Variants in JAKMIP3 observed in about 807,000 individuals in gnomAD.
The protein encoded by JAKMIP3 is janus kinase and microtubule-interacting protein 3.
In JAKMIP3, 58 loss-of-function variants were observed where a neutral mutation model predicts 118.5. The ratio of observed to expected loss-of-function variants is 0.49; its 90% confidence interval spans 0.40 to 0.61. The LOEUF is 0.61. Ranked by LOEUF, JAKMIP3 falls within the 20% of genes least tolerant of loss-of-function variation. The pLI is 0.00. For synonymous variants in JAKMIP3, 486 were observed against 451.2 expected, an observed-to-expected ratio of 1.08 and a Z score of -0.98; for missense variants, 950 against 1,109.0, an observed-to-expected ratio of 0.86 and a Z score of 2.04.
At position 132,172,980 on chromosome 10, in the gene JAKMIP3, CCTCT is replaced by C. The variant is rs527507375; in HGVS notation, c.*1103+3959_*1103+3962del. On this transcript the variant is annotated intron_variant, in intron 23 of 23. Coordinates refer to ENST00000684848, the MANE Select transcript of JAKMIP3 (RefSeq NM_001323087.2). The stretch of plus-strand genomic sequence containing the variant: ...CTCTCTCCTTCCCTCTCTCTCCTTC[CCTCT>C]CTCTCTCTCTCCTTCCCTCTCTCTC... 1.7e-3 allele frequency among the ~76,000 whole-genome samples: 130 copies of C among 75,222 alleles called. 12 individuals are homozygous for C. The highest frequency in any genetic ancestry group is 5.8e-3 in the African/African-American group (118 of 20,242). 49.3% of individuals were successfully genotyped at this position (75,222 alleles called of 152,430 possible).
At chr10:132,061,244 GCACA>G (rs1554913470), upstream of JAKMIP3, among the ~76,000 whole-genome samples, 2 of 130,650 alleles carry the variant, frequency 1.5e-5, no homozygotes, top group Non-Finnish European at 3.6e-5. Context: ...CCGTGACGGC[GCACA>G]CACACACCTG....
intron 1 of JAKMIP3, among the ~76,000 whole-genome samples, chr10:132,037,396 C>T (rs551537133): frequency 2.0e-5 from 3 of 152,144 alleles, no homozygotes; most frequent in Middle Eastern, 3.4e-3. Flanking sequence ...AAGCTGTCTG[C>T]AAATGTAAGA....
chr10:132,176,129 C>G (rs1374856011), intron 23 of JAKMIP3, among the ~76,000 whole-genome samples: 1 of 152,214 alleles, frequency 6.6e-6, no homozygotes, highest in African/African-American at 2.4e-5. Context: ...AGGATCTGCC[C>G]CCCAGCACCT....
intron 23 of JAKMIP3, among the ~76,000 whole-genome samples, chr10:132,180,600 T>TGTGTGTG (rs2060839985): frequency 5.1e-5 from 2 of 39,102 alleles, no homozygotes; most frequent in African/African-American, 2.6e-4. Context: ...TGTGTGTGCG[T>TGTGTGTG]GCGCGTGTGT....
intron 23 of JAKMIP3, among the ~76,000 whole-genome samples, chr10:132,171,652 C>CT (rs34371364): frequency 0.17 from 22,960 of 135,586 alleles, 2,469 homozygotes; most frequent in Middle Eastern, 0.25. Flanking sequence ...TTTTTTCTTT[C>CT]TTTTTTTTTT....
At chr10:132,063,449 G>GTT (rs2038477643), upstream of JAKMIP3, among the ~76,000 whole-genome samples, 1 of 152,286 alleles carries the variant, frequency 6.6e-6, no homozygotes, top group African/African-American at 2.4e-5. Flanking sequence ...AGCAAGGATG[G>GTT]TTTTCTTATT....
At chr10:132,048,983 G>C (rs4880311) in intron 1 of JAKMIP3, among the ~76,000 whole-genome samples, 89,974 of 151,568 alleles carry the variant, frequency 0.59, 27,379 homozygotes, top group East Asian at 0.81. Flanking sequence ...GCTTTCTTTC[G>C]TGGAGCTTTT....
intron 1 of JAKMIP3, among the ~76,000 whole-genome samples, chr10:132,099,090 C>T (rs1016705455): frequency 6.6e-6 from 1 of 152,074 alleles, no homozygotes; most frequent in African/African-American, 2.4e-5. Flanking sequence ...GAAGGCTGCT[C>T]GGGTGTGGAC....
At position 132,119,122 on chromosome 10, in the gene JAKMIP3, A is replaced by G. The variant is rs977007248; in HGVS notation, c.633+1548A>G. 3.3e-5 allele frequency among the ~76,000 whole-genome samples: 5 copies of G among 152,022 alleles called. 1 individual carries two copies. Among genetic ancestry groups the G allele is most frequent in the Admixed American group, 2.6e-4 (4 of 15,282 alleles). ...GCTGATTCTTCTGGATTTTATTTCA[A>G]ATTTTCAAAAGCATGCTCCAACCTG... On this transcript the variant is annotated intron_variant, in intron 3 of 23. Coordinates refer to ENST00000684848, the MANE Select transcript of JAKMIP3 (RefSeq NM_001323087.2).
intron 3 of JAKMIP3, among the ~76,000 whole-genome samples, chr10:132,124,758 G>T (rs1374723808): frequency 6.6e-6 from 1 of 152,214 alleles, no homozygotes; most frequent in African/African-American, 2.4e-5. Context: ...GTGCGTTCAT[G>T]GGGCGACGAG....
chr10:132,095,920 G>T (rs911889460), intron 1 of JAKMIP3, among the ~76,000 whole-genome samples: 3 of 152,138 alleles, frequency 2.0e-5, no homozygotes, highest in Non-Finnish European at 4.4e-5. Flanking sequence ...CCAATGCCCT[G>T]AGTATTACAG....
intron 19 of JAKMIP3, among the ~76,000 whole-genome samples, chr10:132,159,640 T>TC (rs1564981689): frequency 2.7e-4 from 8 of 30,088 alleles, no homozygotes; most frequent in Admixed American, 9.4e-4. Context: ...TTTGTGATGC[T>TC]GGGGGGCCTC....
At chr10:132,089,026 G>A (rs1233005947) in intron 1 of JAKMIP3, among the ~76,000 whole-genome samples, 5 of 152,092 alleles carry the variant, frequency 3.3e-5, no homozygotes, top group African/African-American at 9.7e-5. Flanking sequence ...GTAGATGTGT[G>A]GTATTATTTC....
chr10:132,114,907 A>G (rs1163995336), intron 2 of JAKMIP3, among the ~76,000 whole-genome samples: 1 of 152,144 alleles, frequency 6.6e-6, no homozygotes, highest in Non-Finnish European at 1.5e-5. Flanking sequence ...TTTGCTGATG[A>G]TATATAGAAA....
At chr10:132,097,184 C>A (rs192350526) in intron 1 of JAKMIP3, among the ~76,000 whole-genome samples, 1 of 152,240 alleles carries the variant, frequency 6.6e-6, no homozygotes, top group African/African-American at 2.4e-5. Context: ...AGGCAAGGCC[C>A]CTCTGGAGAC....
At chr10:132,135,857 C>A in intron 5 of JAKMIP3, 73 bp from the exon 6 acceptor site, 1 of 1,495,192 alleles carries the variant, frequency 6.7e-7, no homozygotes, top group South Asian at 1.3e-5. Context: ...TGTGGTCAGT[C>A]AGCCGACTCT....
chr10:132,180,523 C>CTGTGTGTGTGTGTG lies in JAKMIP3; in HGVS notation c.*1104-1825_*1104-1812dup, dbSNP rs760742595. Among the ~76,000 whole-genome samples the CTGTGTGTGTGTGTG allele has an allele frequency of 4.0e-5, 3 of 74,444 alleles. 1 individual carries two copies. Among genetic ancestry groups the CTGTGTGTGTGTGTG allele is most frequent in the Non-Finnish European group, 7.2e-5 (3 of 41,872 alleles). The allele number at this position is 74,444 out of a possible 152,430, so 48.8% of individuals were successfully genotyped here. ...GAAGACTGCAAACCTGGAAGCAGAA[C>CTGTGTGTGTGTGTG]TGTGTGTGTGTGTGTGTGTGTGCGT... On this transcript the variant is annotated intron_variant, in intron 23 of 23. Coordinates refer to ENST00000684848, the MANE Select transcript of JAKMIP3 (RefSeq NM_001323087.2).
At chr10:132,081,204 A>G (rs2041721574) in intron 1 of JAKMIP3, among the ~76,000 whole-genome samples, 1 of 152,168 alleles carries the variant, frequency 6.6e-6, no homozygotes, top group African/African-American at 2.4e-5. Context: ...TTGAAAGACT[A>G]TCATTTCCCC....
chr10:132,145,219 G>T, intron 12 of JAKMIP3, 29 bp downstream of exon 12: 1 of 1,554,048 alleles, frequency 6.4e-7, no homozygotes, highest in Non-Finnish European at 8.8e-7. Context: ...GCACGGGCGT[G>T]GGGGCACACG....
Sources: allele counts gnomAD v4.1 joint callset (sites outside exome capture counted in the v4.1 genomes callset), GRCh38; gene constraint gnomAD v4.1.1; transcripts MANE v1.5; gene names NCBI Gene and HGNC (gene_info 2026-07-23, HGNC 2026-07-21).